The following ADA2 variants were observed in gnomAD, a reference collection of about 807,000 sequenced individuals.
ADA2 encodes adenosine deaminase CECR1.
Under a neutral mutation model 44.2 loss-of-function variants are expected in ADA2, and 29 were observed. The ratio of observed to expected loss-of-function variants is 0.66; its 90% CI spans 0.49 to 0.89. ADA2 has a LOEUF of 0.89. Ranked by LOEUF, ADA2 falls within the 40% of genes least tolerant of loss-of-function variation. ADA2 has a pLI of 0.00. For missense variants in ADA2, 637 were observed against 644.8 expected, an observed-to-expected ratio of 0.99 and a Z score of 0.13; for synonymous variants, 215 against 234.9, an observed-to-expected ratio of 0.92 and a Z score of 0.77.
chr22:17,217,511 C>T (rs2062484903), intron 1 of ADA2, among the ~76,000 whole-genome samples: 1 of 152,134 alleles, frequency 6.6e-6, no homozygotes. Context: ...TGCTCCTTTA[C>T]CTGGGTTATC....
chr22:17,200,448 T>G (rs1177327404), intron 4 of ADA2, among the ~76,000 whole-genome samples: 1 of 152,092 alleles, frequency 6.6e-6, no homozygotes, highest in Non-Finnish European at 1.5e-5. Flanking sequence ...CCCTCCCACT[T>G]CTCAAGAACT....
chr22:17,208,419 G>A (rs191784762), intron 2 of ADA2, among the ~76,000 whole-genome samples: 284 of 128,414 alleles, frequency 2.2e-3, no homozygotes, highest in African/African-American at 8.1e-3. Flanking sequence ...ACAAGACTCC[G>A]TCTCAAAAAA....
At position 17,208,580 on chromosome 22, in the gene ADA2, A is replaced by C. The variant is rs183239217; in HGVS notation, c.322+776T>G. On this transcript the variant is annotated intron_variant, in intron 2 of 9. Transcript: ENST00000399837. ...CACTTTGGGAGGCCGAGGAGTGTGG[A>C]TTGCCTGAGCTCAGGTGTTCGAGAT... is the stretch of plus-strand genomic sequence containing the variant. Among the ~76,000 whole-genome samples, 79 of 151,942 alleles carry C rather than the reference A, an allele frequency of 5.2e-4. 1 individual carries two copies. Among genetic ancestry groups the C allele is most frequent in the African/African-American group, 1.5e-3 (63 of 41,444 alleles).
intron 5 of ADA2, 81 bp downstream of exon 5, chr22:17,191,602 T>G: frequency 2.9e-6 from 4 of 1,367,010 alleles, no homozygotes; most frequent in Non-Finnish European, 4.1e-6. Flanking sequence ...GCCCCGCTTC[T>G]CACCCCTCCC....
At chr22:17,183,546 C>T (rs975796605) in intron 7 of ADA2, among the ~76,000 whole-genome samples, 42 of 150,920 alleles carry the variant, frequency 2.8e-4, no homozygotes, top group African/African-American at 9.0e-4. Flanking sequence ...CTGCAACCTC[C>T]GCCTCCCGGG....
rs1211612154 is a variant in ADA2 at position 17,182,459 on chromosome 22, AACTTT to A, written c.1239+140_1239+144del. 12 of 842,388 alleles carry A rather than the reference AACTTT, an allele frequency of 1.4e-5. No homozygotes were observed. In the East Asian group the frequency reaches 3.0e-4, roughly 21 times the overall value. The allele number at this position is 842,388 out of a possible 1,614,324, so 52.2% of individuals were successfully genotyped here. On this transcript the variant is annotated intron_variant, in intron 8 of 9. Coordinates refer to ENST00000399837, the MANE Select transcript of ADA2 (RefSeq NM_001282225.2). ...CTTAGGCAAAAGGCCCCTCCTGAATAACTTTACTAACAGGGGTAGGAGAGTGGAGG... is the reference window on the plus strand; with the variant it reads ...CTTAGGCAAAAGGCCCCTCCTGAATAACTAACAGGGGTAGGAGAGTGGAGG...
In ADA2 at chr22:17,219,347, C is replaced by G. The variant is rs908973418; in HGVS notation, c.-47+9G>C. On this transcript the variant is annotated intron_variant, in intron 1 of 9. Coordinates refer to ENST00000399837, the MANE Select transcript of ADA2 (RefSeq NM_001282225.2). ...CATCATCCCACAGCTCCCAAAGGAC[C>G]CCAGTTACCTCGGAACAGCTCCAGA... The G allele has an allele frequency of 2.0e-5, 3 of 152,504 alleles. No individual in the cohort carries two copies. The East Asian group carries it at 5.8e-4, about 29-fold the overall frequency. 9.4% of individuals were successfully genotyped at this position (152,504 alleles called of 1,614,324 possible).
At chr22:17,198,990 G>A (rs942930172) in intron 4 of ADA2, among the ~76,000 whole-genome samples, 3 of 141,644 alleles carry the variant, frequency 2.1e-5, no homozygotes, top group African/African-American at 7.4e-5. Flanking sequence ...TTCTAGTGAA[G>A]ACTGTTTTTA....
Position 17,191,798 on chromosome 22 carries a change from T to C in ADA2, c.766A>G (p.Ser256Gly). 6.2e-7 allele frequency: 1 copy of C among 1,613,282 alleles called. No individual in the cohort carries two copies. The highest frequency in any genetic ancestry group is 8.5e-7 in the Non-Finnish European group (1 of 1,179,896). The part of the protein sequence containing the change: ...RARLLPVYEL[S>G]GEHHDEEWSV... ...CACTCTTCGTCATGGTGCTCTCCAC[T>C]GAGCTCATACACCTGGGAAGAAAGC... Residue 256 changes from serine (S) to glycine (G), a missense_variant, in exon 5 of 10, where the codon AGT (serine) becomes GGT (glycine). Ser to Gly is a moderately conservative substitution (Grantham distance 56). Transcript: ENST00000399837.
intron 8 of ADA2, 131 bp from the exon 9 acceptor site, chr22:17,182,153 C>G: frequency 1.4e-6 from 1 of 702,040 alleles, no homozygotes; most frequent in African/African-American, 1.8e-5. Context: ...ATGGGGATGA[C>G]TTCTGGGCAG....
At chr22:17,197,201 T>C (rs2062202742) in intron 4 of ADA2, among the ~76,000 whole-genome samples, 1 of 152,168 alleles carries the variant, frequency 6.6e-6, no homozygotes, top group Non-Finnish European at 1.5e-5. Flanking sequence ...GTAAAGGTCA[T>C]ACAACTGGTT....
At chr22:17,185,204 A>C (rs1460893538) in intron 7 of ADA2, among the ~76,000 whole-genome samples, 1 of 151,002 alleles carries the variant, frequency 6.6e-6, no homozygotes, top group Non-Finnish European at 1.5e-5. Context: ...CGAGGTTAGG[A>C]GTTCCGGACC....
At position 17,181,441 on chromosome 22, in the gene ADA2, G is replaced by T; in HGVS notation, c.*42C>A. ...AGAACGAGTGAGAGGAAGTGACAGC[G>T]TGTGCAAGAAGACAGCTTGTAGAGG... is the stretch of plus-strand genomic sequence containing the variant. On this transcript the variant is annotated 3_prime_UTR_variant, in exon 10 of 10. Coordinates refer to ENST00000399837, the MANE Select transcript of ADA2 (RefSeq NM_001282225.2). The T allele has an allele frequency of 8.0e-7, 1 of 1,243,794 alleles. No individual in the cohort carries two copies. Among genetic ancestry groups the T allele is most frequent in the Non-Finnish European group, 1.2e-6 (1 of 841,880 alleles). 77.0% of individuals were successfully genotyped at this position (1,243,794 alleles called of 1,614,324 possible). A position where few individuals can be genotyped will look rare whatever the true frequency, so the allele number is the denominator to read the frequency against.
chr22:17,202,854 G>T (rs1351981762), intron 4 of ADA2, among the ~76,000 whole-genome samples: 1 of 150,920 alleles, frequency 6.6e-6, no homozygotes, highest in Non-Finnish European at 1.5e-5. Flanking sequence ...TGCGATCTTG[G>T]CTCAGTGCAA....
intron 4 of ADA2, among the ~76,000 whole-genome samples, chr22:17,203,128 T>G (rs1430646372): frequency 6.6e-6 from 1 of 152,312 alleles, no homozygotes; most frequent in South Asian, 2.1e-4. Context: ...AGCATGTTAC[T>G]GAAACTGCTC....
chr22:17,182,679 C>A lies in ADA2; in HGVS notation c.1164G>T (p.Leu388Phe). The change falls in exon 8 of 10, where the codon TTG becomes TTT. Residue 388 changes from leucine to phenylalanine, a missense_variant. Coordinates refer to ENST00000399837, the MANE Select transcript of ADA2 (RefSeq NM_001282225.2). ...AAGTCCTGACTGCGGGGTGTTTGCTCAAAGCAAATCCATGGCCGATTCTGG... is the reference window on the plus strand; with the variant it reads ...AAGTCCTGACTGCGGGGTGTTTGCTAAAAGCAAATCCATGGCCGATTCTGG... Reference protein sequence around the residue: ...NTTRIGHGFALSKHPAVRTYS... With the variant: ...NTTRIGHGFAFSKHPAVRTYS... 6.2e-7 allele frequency: 1 copy of A among 1,614,022 alleles called. No individual in the cohort carries two copies. The highest frequency in any genetic ancestry group is 8.5e-7 in the Non-Finnish European group (1 of 1,180,024).
intron 1 of ADA2, among the ~76,000 whole-genome samples, chr22:17,218,193 T>A (rs945030957): frequency 1.3e-5 from 2 of 152,110 alleles, no homozygotes; most frequent in Admixed American, 6.6e-5. Flanking sequence ...TGTTGAAAAA[T>A]TTTTAAGTTA....
Position 17,181,299 on chromosome 22 carries a change from C to G in ADA2, c.*184G>C. 1.6e-6 allele frequency: 1 copy of G among 621,518 alleles called. No homozygotes were observed. The highest frequency in any genetic ancestry group is 2.9e-6 in the Non-Finnish European group (1 of 344,372). The allele number at this position is 621,518 out of a possible 1,614,324, so 38.5% of individuals were successfully genotyped here. On this transcript the variant is annotated 3_prime_UTR_variant, in exon 10 of 10. Transcript: ENST00000399837. ...AGGAGAAAACCAAGAGGGTCAATGT[C>G]ACTGTGGCTGAGAGAGAATATTTCC... is the stretch of plus-strand genomic sequence containing the variant.
chr22:17,199,503 A>G, intron 4 of ADA2: 1 of 1,514,384 alleles, frequency 6.6e-7, no homozygotes, highest in Non-Finnish European at 9.0e-7. Flanking sequence ...GCACTCCCAC[A>G]CCAAGACAGT....
Sources: allele counts gnomAD v4.1 joint callset (sites outside exome capture counted in the v4.1 genomes callset), GRCh38; gene constraint gnomAD v4.1.1; transcripts MANE v1.5; gene names NCBI Gene and HGNC (gene_info 2026-07-23, HGNC 2026-07-21).